The following ATXN1 variants were observed in gnomAD, a reference collection of about 807,000 sequenced individuals.
ATXN1 encodes ataxin 1.
Under a neutral mutation model 56.4 loss-of-function variants are expected in ATXN1, and 8 were observed. That is an observed-to-expected ratio of 0.14 (90% CI 0.08 to 0.26). The LOEUF is 0.26. ATXN1 is among the 10% of genes least tolerant of loss of function. The pLI is 1.00. For synonymous variants in ATXN1, 514 were observed against 494.6 expected (o/e 1.04, Z -0.52); for missense variants, 987 against 1,106.5 (o/e 0.89, Z 1.53).
intron 4 of ATXN1, among the ~76,000 whole-genome samples, chr6:16,580,558 T>C (rs1438288103): frequency 6.6e-6 from 1 of 152,234 alleles, no homozygotes; most frequent in South Asian, 2.1e-4. Context: ...CATTTTCTAA[T>C]GTGTTTTAAG....
intron 6 of ATXN1, among the ~76,000 whole-genome samples, chr6:16,460,813 T>TA (rs1177804764): frequency 6.6e-6 from 1 of 152,138 alleles, no homozygotes; most frequent in Admixed American, 6.5e-5. Flanking sequence ...TACTTGAAAG[T>TA]AAGTCTCTTC....
At chr6:16,738,366 C>G (rs958942129) in intron 2 of ATXN1, 2 of 152,100 alleles carry the variant, frequency 1.3e-5, no homozygotes, top group Admixed American at 6.5e-5. Flanking sequence ...ATGGCAAGAC[C>G]CTTAGAAGGG....
intron 6 of ATXN1, among the ~76,000 whole-genome samples, chr6:16,348,306 C>T (rs574431136): frequency 3.3e-5 from 5 of 152,146 alleles, no homozygotes; most frequent in Non-Finnish European, 5.9e-5. Flanking sequence ...CTTAAGCGAT[C>T]CTCCCATTTT....
chr6:16,387,176 G>C (rs568942492), intron 6 of ATXN1, among the ~76,000 whole-genome samples: 5 of 152,056 alleles, frequency 3.3e-5, no homozygotes, highest in Non-Finnish European at 7.4e-5. Flanking sequence ...GGAGATCAAT[G>C]ACTCAATGGT....
intron 6 of ATXN1, among the ~76,000 whole-genome samples, chr6:16,414,799 CCTT>C (rs575618001): frequency 1.8e-3 from 268 of 152,250 alleles, no homozygotes; most frequent in Non-Finnish European, 2.6e-3. Flanking sequence ...TGGCCTTTGT[CCTT>C]CTTTCTACTC....
In ATXN1 at chr6:16,423,965, C is replaced by T. The variant is rs533657323; in HGVS notation, c.-161+62007G>A. 2.6e-5 allele frequency among the ~76,000 whole-genome samples: 4 copies of T among 152,314 alleles called. No individual in the cohort carries two copies. In the South Asian group the frequency reaches 6.2e-4, roughly 24 times the overall value. On this transcript the variant is annotated intron_variant, in intron 6 of 7. Transcript: ENST00000436367. ...GAGAATGCTAGTTTCAGAGCTATGG[C>T]TGTGCCTATAGCAGTTTGTAGGAAT... is the stretch of plus-strand genomic sequence containing the variant.
intron 5 of ATXN1, among the ~76,000 whole-genome samples, chr6:16,495,758 G>A (rs932119464): frequency 1.8e-4 from 28 of 151,914 alleles, no homozygotes; most frequent in African/African-American, 4.4e-4. Context: ...AGCTACTCAC[G>A]AGGCTGAGGC....
At chr6:16,661,342 T>C (rs1758315844) in intron 2 of ATXN1, among the ~76,000 whole-genome samples, 1 of 152,092 alleles carries the variant, frequency 6.6e-6, no homozygotes, top group South Asian at 2.1e-4. Flanking sequence ...TTTATAAGCA[T>C]GAAAGGCCTT....
intron 6 of ATXN1, among the ~76,000 whole-genome samples, chr6:16,463,308 C>T (rs1229686154): frequency 6.6e-6 from 1 of 152,190 alleles, no homozygotes; most frequent in Non-Finnish European, 1.5e-5. Flanking sequence ...CCTTAGTCTT[C>T]CTAAGTCCCA....
intron 6 of ATXN1, among the ~76,000 whole-genome samples, chr6:16,453,915 C>T (rs193287288): frequency 2.7e-4 from 41 of 152,056 alleles, no homozygotes; most frequent in South Asian, 4.2e-4. Context: ...CTGAGTCAGG[C>T]GGATCACTTG....
intron 6 of ATXN1, among the ~76,000 whole-genome samples, chr6:16,431,371 A>C (rs1759281285): frequency 6.6e-6 from 1 of 152,172 alleles, no homozygotes; most frequent in Admixed American, 6.5e-5. Flanking sequence ...TTTAAACTCG[A>C]GTGCAGATTT....
At chr6:16,712,260 AC>A (rs1436569816) in intron 2 of ATXN1, among the ~76,000 whole-genome samples, 4 of 150,138 alleles carry the variant, frequency 2.7e-5, no homozygotes, top group African/African-American at 9.8e-5. Context: ...CTTTCTTTTC[AC>A]TATTAATAAT....
chr6:16,301,419 AAC>A lies in ATXN1; in HGVS notation c.*4908_*4909del, dbSNP rs1466462440. ...TTGTTTGGAGTTTCCCTATGCCAGA[AAC>A]ACAACACTGTCCGTGGAAAAGAGAG... On this transcript the variant is annotated 3_prime_UTR_variant, in exon 8 of 8. Transcript: ENST00000436367. 6.6e-6 allele frequency: 1 copy of A among 152,606 alleles called. No homozygotes were observed. Among genetic ancestry groups the A allele is most frequent in the Non-Finnish European group, 1.5e-5 (1 of 68,036 alleles). 9.5% of individuals were successfully genotyped at this position (152,606 alleles called of 1,614,324 possible).
intron 6 of ATXN1, among the ~76,000 whole-genome samples, chr6:16,395,945 T>G (rs749684607): frequency 3.7e-5 from 5 of 133,752 alleles, no homozygotes; most frequent in Non-Finnish European, 6.1e-5. Flanking sequence ...AACCAGGGAG[T>G]CGGAGGTTGC....
At chr6:16,324,091 A>G (rs179992) in intron 7 of ATXN1, among the ~76,000 whole-genome samples, 42,860 of 152,010 alleles carry the variant, frequency 0.28, 7,495 homozygotes, top group Non-Finnish European at 0.39. Flanking sequence ...ATATCCAGTC[A>G]TTCACGAGTG....
intron 6 of ATXN1, among the ~76,000 whole-genome samples, chr6:16,334,049 A>C (rs1761055567): frequency 6.6e-6 from 1 of 152,174 alleles, no homozygotes; most frequent in African/African-American, 2.4e-5. Flanking sequence ...TATGACGGGG[A>C]CCTCAATTGT....
intron 2 of ATXN1, among the ~76,000 whole-genome samples, chr6:16,709,771 A>C (rs1239112473): frequency 6.6e-6 from 1 of 152,186 alleles, no homozygotes; most frequent in Non-Finnish European, 1.5e-5. Context: ...AAGAAACAAA[A>C]TTACAGACCA....
intron 2 of ATXN1, among the ~76,000 whole-genome samples, chr6:16,670,127 C>T (rs1467342769): frequency 6.6e-6 from 1 of 152,192 alleles, no homozygotes; most frequent in Non-Finnish European, 1.5e-5. Context: ...ATACTAGAAT[C>T]AACTCCTCTG....
chr6:16,328,390 T>A lies in ATXN1; in HGVS notation c.-80A>T. On this transcript the variant is annotated 5_prime_UTR_variant, in exon 7 of 8. An upstream start codon of the reference 5' UTR is lost. Transcript: ENST00000436367. This position sits in a 1 kb window ranked among gnomAD's most constrained non-coding sequence, Gnocchi z 6.2. Reference sequence around the variant, plus strand: ...TTAGTCTGATAAACGGAAAGTCACATTTGATTTCTGTAGGGGATCCAGGCT... The same window carrying A: ...TTAGTCTGATAAACGGAAAGTCACAATTGATTTCTGTAGGGGATCCAGGCT... 7.1e-7 allele frequency: 1 copy of A among 1,416,516 alleles called. No individual in the cohort carries two copies. Among genetic ancestry groups the A allele is most frequent in the Non-Finnish European group, 9.2e-7 (1 of 1,089,136 alleles). The allele number at this position is 1,416,516 out of a possible 1,614,324, so 87.7% of individuals were successfully genotyped here. A position where few individuals can be genotyped will look rare whatever the true frequency, so the allele number is the denominator to read the frequency against.
Sources: allele counts gnomAD v4.1 joint callset (sites outside exome capture counted in the v4.1 genomes callset), GRCh38; gene constraint gnomAD v4.1.1; non-coding constraint Gnocchi (gnomAD v3.1); transcripts MANE v1.5; gene names NCBI Gene and HGNC (gene_info 2026-07-23, HGNC 2026-07-21).